Variants in HMGCL observed in about 807,000 individuals in gnomAD.
HMGCL encodes 3-hydroxy-3-methylglutaryl-CoA lyase.
In HMGCL, 26 loss-of-function variants were observed where a neutral mutation model predicts 37.3. The ratio of observed to expected loss-of-function variants is 0.70; its 90% confidence interval spans 0.51 to 0.97. The LOEUF is 0.97. Ranked by LOEUF, HMGCL falls within the 50% of genes least tolerant of loss-of-function variation. The pLI is 0.00. For missense variants in HMGCL, 379 were observed against 398.1 expected, an observed-to-expected ratio of 0.95 and a Z score of 0.41; for synonymous variants, 151 against 148.0, an observed-to-expected ratio of 1.02 and a Z score of -0.15.
chr1:23,821,850 T>C (rs78959587), intron 1 of HMGCL, among the ~76,000 whole-genome samples: 2,961 of 152,156 alleles, frequency 0.019, 101 homozygotes, highest in African/African-American at 0.067. Flanking sequence ...CTCATCTGGC[T>C]TTTTTTAAAA....
intron 6 of HMGCL, 62 bp downstream of exon 6, chr1:23,810,674 G>A (rs368581094): frequency 3.7e-5 from 52 of 1,407,078 alleles, no homozygotes; most frequent in Middle Eastern, 1.8e-4. Context: ...GAACCTATGC[G>A]CTCAGGGGCA....
intron 4 of HMGCL, among the ~76,000 whole-genome samples, chr1:23,815,203 T>C (rs1303630490): frequency 1.3e-5 from 2 of 151,302 alleles, no homozygotes; most frequent in East Asian, 3.9e-4. Context: ...CAAGACTCTG[T>C]CTAAAAAAAA....
Position 23,802,037 on chromosome 1 carries a change from C to T in HMGCL, c.*426G>A. On this transcript the variant is annotated 3_prime_UTR_variant, in exon 9 of 9. Transcript: ENST00000374490. Reference sequence around the variant, plus strand: ...CCTCTGCCAGCTTGGGAAGAACCTCCATGACCTGTGTCCTGAGAAGTCAGA... The same window carrying T: ...CCTCTGCCAGCTTGGGAAGAACCTCTATGACCTGTGTCCTGAGAAGTCAGA... 2 of 447,964 alleles carry T rather than the reference C, an allele frequency of 4.5e-6. No homozygotes were observed. Among genetic ancestry groups the T allele is most frequent in the African/African-American group, 2.0e-5 (1 of 51,106 alleles). The allele number at this position is 447,964 out of a possible 1,614,324, so 27.7% of individuals were successfully genotyped here.
intron 8 of HMGCL, among the ~76,000 whole-genome samples, chr1:23,803,027 A>G (rs2148416132): frequency 6.6e-6 from 1 of 152,046 alleles, no homozygotes; most frequent in Middle Eastern, 3.4e-3. Flanking sequence ...AGCATTCTAC[A>G]TAACTTTTCT....
chr1:23,806,584 T>C lies in HMGCL; in HGVS notation c.750+1551A>G. On this transcript the variant is annotated intron_variant, in intron 7 of 8. Transcript: ENST00000374490. The surrounding 1 kb of genome is among the most constrained non-coding windows in gnomAD (Gnocchi z 4.0). ...CCTCAGGTCTCTCTCAAATGCTACCTTCTGAGTGAGGCCACTCTACAGAAA... is the reference window on the plus strand; with the variant it reads ...CCTCAGGTCTCTCTCAAATGCTACCCTCTGAGTGAGGCCACTCTACAGAAA... The C allele has an allele frequency of 4.6e-6, 1 of 217,204 alleles. No homozygotes were observed. Among genetic ancestry groups the C allele is most frequent in the Non-Finnish European group, 9.4e-6 (1 of 105,882 alleles). The allele number at this position is 217,204 out of a possible 1,614,324, so 13.5% of individuals were successfully genotyped here.
At chr1:23,817,988 G>T (rs1053514407) in intron 2 of HMGCL, among the ~76,000 whole-genome samples, 7 of 152,112 alleles carry the variant, frequency 4.6e-5, no homozygotes, top group African/African-American at 1.7e-4. Flanking sequence ...AGATTCCATG[G>T]ATTCCTCTTT....
chr1:23,823,068 C>T (rs558191782), intron 1 of HMGCL, among the ~76,000 whole-genome samples: 4 of 148,658 alleles, frequency 2.7e-5, no homozygotes, highest in Middle Eastern at 3.5e-3. Flanking sequence ...CCCAGCTACT[C>T]GGGAGGCTGA....
intron 7 of HMGCL, among the ~76,000 whole-genome samples, chr1:23,804,830 A>C (rs1570642643): frequency 8.5e-5 from 12 of 141,722 alleles, no homozygotes; most frequent in South Asian, 4.5e-4. Flanking sequence ...ACCCCCTCCC[A>C]CTGCTGAGAT....
At chr1:23,823,378 C>T (rs1001284344) in intron 1 of HMGCL, among the ~76,000 whole-genome samples, 1 of 142,980 alleles carries the variant, frequency 7.0e-6, no homozygotes, top group Non-Finnish European at 1.5e-5. Context: ...ATTTGAGATA[C>T]AGTCTCATTC....
In HMGCL at chr1:23,802,231, G is replaced by A; in HGVS notation, c.*232C>T. ...CCTGGGCCAGGGTCCGTAACAAAGG[G>A]AGACTTCAGCCCTCAAAGCCTCTCA... On this transcript the variant is annotated 3_prime_UTR_variant, in exon 9 of 9. Transcript: ENST00000374490. 1.7e-6 allele frequency: 1 copy of A among 602,196 alleles called. No homozygotes were observed. Among genetic ancestry groups the A allele is most frequent in the Non-Finnish European group, 2.9e-6 (1 of 339,172 alleles). 37.3% of individuals were successfully genotyped at this position (602,196 alleles called of 1,614,324 possible).
chr1:23,803,637 C>T (rs151034368), intron 8 of HMGCL: 1 of 152,396 alleles, frequency 6.6e-6, no homozygotes, highest in East Asian at 1.9e-4. Flanking sequence ...CCTCTACGTA[C>T]GTTTTCTTAC....
intron 1 of HMGCL, 69 bp downstream of exon 1, chr1:23,825,287 G>T: frequency 7.5e-7 from 1 of 1,340,210 alleles, no homozygotes; most frequent in Non-Finnish European, 1.0e-6. Context: ...AGTCACCACG[G>T]GCCAAGCCCC....
intron 8 of HMGCL, chr1:23,803,784 T>A (rs1237699523): frequency 6.6e-6 from 1 of 152,552 alleles, no homozygotes; most frequent in Non-Finnish European, 1.5e-5. Context: ...TTCCATCTGA[T>A]CTTTAAGCAC....
rs1225672044 is a variant in HMGCL at position 23,806,223 on chromosome 1, G to A, written c.751-1698C>T. Among the ~76,000 whole-genome samples, 1 of 152,120 alleles carries A rather than the reference G, an allele frequency of 6.6e-6. No individual in the cohort carries two copies. Among genetic ancestry groups the A allele is most frequent in the Non-Finnish European group, 1.5e-5 (1 of 68,024 alleles). ...CTGCCTCAGCCTCCCAAAGTGCTGG[G>A]ATTACAGGTGTGAGCCACTGTGCCC... is the stretch of plus-strand genomic sequence containing the variant. On this transcript the variant is annotated intron_variant, in intron 7 of 8. Coordinates refer to ENST00000374490, the MANE Select transcript of HMGCL (RefSeq NM_000191.3). This position sits in a 1 kb window ranked among gnomAD's most constrained non-coding sequence, Gnocchi z 4.0.
chr1:23,816,478 C>T, intron 4 of HMGCL, 197 bp downstream of exon 4: 1 of 669,550 alleles, frequency 1.5e-6, no homozygotes, highest in Non-Finnish European at 2.7e-6. Flanking sequence ...TATCATTTAG[C>T]CCTATTTTAT....
chr1:23,804,506 T>G lies in HMGCL; in HGVS notation c.770A>C (p.Asp257Ala). 1.2e-6 allele frequency: 2 copies of G among 1,613,892 alleles called. No homozygotes were observed. Among genetic ancestry groups the G allele is most frequent in the Non-Finnish European group, 1.7e-6 (2 of 1,179,974 alleles). The change falls in exon 8 of 9, where the codon GAC becomes GCC. Residue 257 changes from aspartate (D) to alanine (A), a missense_variant. Coordinates refer to ENST00000374490, the MANE Select transcript of HMGCL (RefSeq NM_000191.3). ...GCCTCCAAGTCCTGCCACAGAAGAG[T>G]CCACGACACTCACTCCCATCTAGAA... ...MALQMGVSVVDSSVAGLGGCP... is the reference protein window; with the variant it reads ...MALQMGVSVVASSVAGLGGCP...
intron 2 of HMGCL, among the ~76,000 whole-genome samples, chr1:23,819,650 A>G (rs1638675465): frequency 6.6e-6 from 1 of 152,048 alleles, no homozygotes; most frequent in South Asian, 2.1e-4. Flanking sequence ...AATCACTTGA[A>G]CCCGGGAGGA....
At chr1:23,811,286 A>C (rs987607387) in intron 5 of HMGCL, among the ~76,000 whole-genome samples, 5 of 152,200 alleles carry the variant, frequency 3.3e-5, no homozygotes, top group African/African-American at 1.2e-4. Flanking sequence ...ATGCTAGAGG[A>C]TTCATTCATT....
chr1:23,825,361 G>A lies in HMGCL; in HGVS notation c.55C>T (p.Arg19Trp). ...PRRLVGLASL[R>W]AVSTSSMGTL... Reference sequence around the variant, plus strand: ...CGGCGGCTCGGGGCACTTACAGCCCGGAGGGACGCCAAGCCCACCAGTCGC... The same window carrying A: ...CGGCGGCTCGGGGCACTTACAGCCCAGAGGGACGCCAAGCCCACCAGTCGC... The change falls in exon 1 of 9, where the codon CGG (arginine) becomes TGG (tryptophan). Residue 19 changes from arginine (R) to tryptophan (W), a missense_variant. Transcript: ENST00000374490. 1 of 1,558,696 alleles carries A rather than the reference G, an allele frequency of 6.4e-7. No individual in the cohort carries two copies. The highest frequency in any genetic ancestry group is 1.2e-5 in the South Asian group (1 of 84,700).
Sources: gnomAD v4.1 joint callset for allele counts (sites outside exome capture counted in the v4.1 genomes callset) on GRCh38, gnomAD v4.1.1 for gene constraint, Gnocchi (gnomAD v3.1) non-coding constraint, MANE v1.5 for transcripts, NCBI Gene and HGNC (gene_info 2026-07-23, HGNC 2026-07-21) for gene names.